MAGI2: variants seen among roughly 807,000 people sequenced by gnomAD.
The protein encoded by MAGI2 is membrane associated guanylate kinase, WW and PDZ domain containing 2.
MAGI2 carries 35 observed loss-of-function variants against 133.3 expected under a neutral mutation model. That is an observed-to-expected ratio of 0.26 (90% CI 0.20 to 0.35). The LOEUF is 0.35. Among genes scored for constraint, MAGI2 ranks in the 10% least tolerant of loss-of-function variants. MAGI2 has a pLI of 1.00. For missense variants in MAGI2, 1,636 were observed against 1,863.4 expected, an observed-to-expected ratio of 0.88 and a Z score of 2.25; for synonymous variants, 729 against 710.6, an observed-to-expected ratio of 1.03 and a Z score of -0.41.
intron 3 of MAGI2, among the ~76,000 whole-genome samples, chr7:78,546,743 G>T (rs1040408572): frequency 2.0e-5 from 3 of 151,854 alleles, no homozygotes; most frequent in African/African-American, 7.3e-5. Context: ...TATAACCTAT[G>T]GACTCAAATA....
intron 1 of MAGI2, among the ~76,000 whole-genome samples, chr7:79,177,608 C>T (rs989879604): frequency 6.6e-6 from 1 of 151,964 alleles, no homozygotes; most frequent in Non-Finnish European, 1.5e-5. Flanking sequence ...ATTTTCTATG[C>T]ACTCAGCAAA....
intron 1 of MAGI2, among the ~76,000 whole-genome samples, chr7:79,380,349 T>G (rs1257946257): frequency 6.6e-6 from 1 of 151,830 alleles, no homozygotes; most frequent in African/African-American, 2.4e-5. Flanking sequence ...TTTTCCCTTG[T>G]GCTTCCCTTC....
At chr7:78,578,473 CA>C (rs1165713142) in intron 3 of MAGI2, among the ~76,000 whole-genome samples, 11 of 151,696 alleles carry the variant, frequency 7.3e-5, no homozygotes, top group Admixed American at 7.2e-4. Flanking sequence ...ATGGAAAAAA[CA>C]TAGAAGTAAA....
At chr7:78,565,620 A>G (rs1390883073) in intron 3 of MAGI2, among the ~76,000 whole-genome samples, 1 of 152,182 alleles carries the variant, frequency 6.6e-6, no homozygotes, top group East Asian at 1.9e-4. Flanking sequence ...ATTAAATAAA[A>G]CATTTGCTTT....
At chr7:78,152,132 C>T (rs3779292) in intron 16 of MAGI2, among the ~76,000 whole-genome samples, 5 of 152,022 alleles carry the variant, frequency 3.3e-5, no homozygotes, top group African/African-American at 9.7e-5. Context: ...AAGCAATAGG[C>T]GATGTTTACT....
chr7:78,812,635 G>A (rs780338634), intron 2 of MAGI2, among the ~76,000 whole-genome samples: 7 of 148,800 alleles, frequency 4.7e-5, no homozygotes, highest in East Asian at 3.9e-4. Context: ...TATATTTGCC[G>A]ATAGATTGGA....
intron 2 of MAGI2, among the ~76,000 whole-genome samples, chr7:78,855,038 G>A (rs796070533): frequency 6.7e-6 from 1 of 149,036 alleles, no homozygotes; most frequent in African/African-American, 2.5e-5. Flanking sequence ...TTTTTTTTTT[G>A]TAGAGATGCG....
At chr7:79,100,957 G>A (rs1817921475) in intron 1 of MAGI2, among the ~76,000 whole-genome samples, 1 of 151,884 alleles carries the variant, frequency 6.6e-6, no homozygotes, top group Non-Finnish European at 1.5e-5. Context: ...AGATAAAAAT[G>A]CCATTTTATC....
chr7:78,285,722 C>G (rs1413906177), intron 9 of MAGI2: 1 of 152,106 alleles, frequency 6.6e-6, no homozygotes, highest in Non-Finnish European at 1.5e-5. Context: ...GATCTTGTTA[C>G]AGGGCGTTTT....
chr7:78,419,790 C>T (rs983902971), intron 6 of MAGI2, among the ~76,000 whole-genome samples: 13 of 151,868 alleles, frequency 8.6e-5, no homozygotes, highest in Non-Finnish European at 1.8e-4. Context: ...GGTGAGGCTG[C>T]CTCAAGTAGA....
chr7:79,069,855 T>A (rs1814774937), intron 1 of MAGI2, among the ~76,000 whole-genome samples: 2 of 152,188 alleles, frequency 1.3e-5, no homozygotes, highest in Non-Finnish European at 1.5e-5. Flanking sequence ...ATTTCTCCTT[T>A]GCTTATGAAG....
At chr7:78,265,991 C>T (rs909585254) in intron 9 of MAGI2, among the ~76,000 whole-genome samples, 5 of 152,092 alleles carry the variant, frequency 3.3e-5, no homozygotes, top group South Asian at 2.1e-4. Context: ...CTACTCTACC[C>T]GCAACTGTCA....
chr7:78,407,478 A>T (rs1033105782), intron 6 of MAGI2, among the ~76,000 whole-genome samples: 3 of 151,926 alleles, frequency 2.0e-5, no homozygotes. Flanking sequence ...TCTTTTATGG[A>T]TCTCACAATA....
Position 78,297,530 on chromosome 7 carries a change from G to A in MAGI2, c.1409-40949C>T, listed in dbSNP as rs1334747418. On this transcript the variant is annotated intron_variant, in intron 9 of 21. Transcript: ENST00000354212. The stretch of plus-strand genomic sequence containing the variant: ...TGCTGCTATAAAGACACATGCACAC[G>A]TATGTTTATTGCGGCATTATTCACA... 3.3e-5 allele frequency among the ~76,000 whole-genome samples: 5 copies of A among 149,696 alleles called. No homozygotes were observed. In the East Asian group the frequency reaches 5.9e-4, roughly 18 times the overall value.
intron 1 of MAGI2, among the ~76,000 whole-genome samples, chr7:79,392,353 T>C (rs1425832444): frequency 6.6e-6 from 1 of 152,200 alleles, no homozygotes; most frequent in African/African-American, 2.4e-5. Context: ...GAACGATTTA[T>C]ATTCCTTTGG....
intron 16 of MAGI2, among the ~76,000 whole-genome samples, chr7:78,156,332 G>GATAT (rs963872462): frequency 1.3e-5 from 2 of 152,150 alleles, no homozygotes; most frequent in Non-Finnish European, 2.9e-5. Flanking sequence ...TTCCCTCAGA[G>GATAT]ATATGTTCAT....
At chr7:78,386,322 T>G (rs1795387093) in intron 6 of MAGI2, among the ~76,000 whole-genome samples, 1 of 152,186 alleles carries the variant, frequency 6.6e-6, no homozygotes, top group South Asian at 2.1e-4. Flanking sequence ...CATTACTACT[T>G]TGTTTCATGG....
chr7:78,070,174 CAT>C (rs57714371), intron 21 of MAGI2, among the ~76,000 whole-genome samples: 1,734 of 56,098 alleles, frequency 0.031, 10 homozygotes, highest in Non-Finnish European at 0.036. Context: ...CACACACACA[CAT>C]ATATATATAT....
At chr7:78,510,851 G>T (rs113907008) in intron 4 of MAGI2, among the ~76,000 whole-genome samples, 12 of 152,122 alleles carry the variant, frequency 7.9e-5, no homozygotes, top group African/African-American at 2.9e-4. Flanking sequence ...AATCAGAAAC[G>T]CAGCTCCCCA....
Sources: gnomAD v4.1 joint callset for allele counts (sites outside exome capture counted in the v4.1 genomes callset) on GRCh38, gnomAD v4.1.1 for gene constraint, MANE v1.5 for transcripts, NCBI Gene and HGNC (gene_info 2026-07-23, HGNC 2026-07-21) for gene names.